The following CREB5 variants were observed in gnomAD, a reference collection of about 807,000 sequenced individuals.
CREB5 encodes cyclic AMP-responsive element-binding protein 5.
A neutral mutation model predicts 57.1 loss-of-function variants in CREB5; 19 were observed. The ratio of observed to expected loss-of-function variants is 0.33; its 90% CI spans 0.23 to 0.49. The LOEUF (loss-of-function observed/expected upper bound fraction) is 0.49. CREB5 is among the 20% of genes least tolerant of loss of function. The pLI, the probability that CREB5 is intolerant of heterozygous loss-of-function variation, is 0.99. For missense variants in CREB5, 579 were observed against 671.6 expected (o/e 0.86, Z 1.52); for synonymous variants, 238 against 238.3 (o/e 1.00, Z 0.01).
At chr7:28,818,325 A>G (rs1039543702) in intron 10 of CREB5, 146 bp downstream of exon 10, 19 of 623,272 alleles carry the variant, frequency 3.0e-5, no homozygotes, top group Admixed American at 8.8e-5. Flanking sequence ...CTTCCAGACT[A>G]TTCTTCCAAG....
intron 7 of CREB5, among the ~76,000 whole-genome samples, chr7:28,741,053 T>G (rs1804302908): frequency 6.6e-6 from 1 of 151,564 alleles, no homozygotes; most frequent in Non-Finnish European, 1.5e-5. Context: ...TGACTAAAGG[T>G]TGTTGAGTTA....
chr7:28,526,533 C>T lies in CREB5; in HGVS notation c.291+18796C>T, dbSNP rs148495769. On this transcript the variant is annotated intron_variant, in intron 4 of 10. Transcript: ENST00000357727. Reference sequence around the variant, plus strand: ...GCATTTAAGTAACTTCCTGGAAAGACGTGCTTCTTGCTGTGTCTGGCTGTT... The same window carrying T: ...GCATTTAAGTAACTTCCTGGAAAGATGTGCTTCTTGCTGTGTCTGGCTGTT... Among the ~76,000 whole-genome samples, 248 of 152,334 alleles carry T rather than the reference C, an allele frequency of 1.6e-3. 2 individuals carry two copies. The highest frequency in any genetic ancestry group is 5.4e-3 in the East Asian group (28 of 5,192).
At chr7:28,515,820 C>T (rs1792919152) in intron 4 of CREB5, among the ~76,000 whole-genome samples, 1 of 151,562 alleles carries the variant, frequency 6.6e-6, no homozygotes, top group Admixed American at 6.6e-5. Context: ...AAAGAGATAC[C>T]TAGTAATAAG....
intron 6 of CREB5, 70 bp from the exon 7 acceptor site, chr7:28,724,152 A>G (rs1803198986): frequency 2.3e-6 from 3 of 1,328,534 alleles, no homozygotes; most frequent in South Asian, 1.3e-5. Context: ...TTGGACAGAA[A>G]AGTGCAGCTT....
In CREB5 at chr7:28,632,711, C is replaced by T. The variant is rs184783327; in HGVS notation, c.464+62174C>T. 1.6e-3 allele frequency among the ~76,000 whole-genome samples: 242 copies of T among 152,268 alleles called. 1 individual carries two copies. The highest frequency in any genetic ancestry group is 5.8e-3 in the South Asian group (28 of 4,816). ...GTAGTTAAGGTCTCAGCTCCAGTGTCGCCAAGGGAGGATTTTCTGTCCCTC... is the reference window on the plus strand; with the variant it reads ...GTAGTTAAGGTCTCAGCTCCAGTGTTGCCAAGGGAGGATTTTCTGTCCCTC... On this transcript the variant is annotated intron_variant, in intron 5 of 10. Coordinates refer to ENST00000357727, the MANE Select transcript of CREB5 (RefSeq NM_182898.4).
intron 7 of CREB5, among the ~76,000 whole-genome samples, chr7:28,744,692 A>G (rs1164282915): frequency 6.6e-6 from 1 of 152,100 alleles, no homozygotes; most frequent in Non-Finnish European, 1.5e-5. Context: ...ATACAGTCAC[A>G]TACTGAGGTC....
At chr7:28,444,313 T>C (rs535173468) in intron 1 of CREB5, among the ~76,000 whole-genome samples, 1 of 152,276 alleles carries the variant, frequency 6.6e-6, no homozygotes, top group African/African-American at 2.4e-5. Flanking sequence ...GGACGCATCT[T>C]TTCCCAACAA....
intron 1 of CREB5, among the ~76,000 whole-genome samples, chr7:28,463,164 G>T (rs1430125791): frequency 6.6e-6 from 1 of 151,794 alleles, no homozygotes; most frequent in Non-Finnish European, 1.5e-5. Context: ...CAGTTGTCTC[G>T]GCATCATTTA....
intron 7 of CREB5, chr7:28,726,770 A>C (rs1803358070): frequency 6.6e-6 from 1 of 152,206 alleles, no homozygotes; most frequent in African/African-American, 2.4e-5. Flanking sequence ...GAGAGCTGCA[A>C]GGGAGGTGTT....
chr7:28,752,043 T>C (rs1447558826), intron 7 of CREB5, among the ~76,000 whole-genome samples: 1 of 152,238 alleles, frequency 6.6e-6, no homozygotes, highest in Non-Finnish European at 1.5e-5. Flanking sequence ...TGTACCCTTT[T>C]TGGTCTGTCA....
intron 1 of CREB5, among the ~76,000 whole-genome samples, chr7:28,467,100 C>A (rs1790613540): frequency 6.6e-6 from 1 of 152,208 alleles, no homozygotes; most frequent in Non-Finnish European, 1.5e-5. Context: ...ACAGTCACTA[C>A]TACCCAGTGC....
intron 1 of CREB5, among the ~76,000 whole-genome samples, chr7:28,456,931 A>T (rs540012266): frequency 6.6e-6 from 1 of 152,336 alleles, no homozygotes; most frequent in East Asian, 1.9e-4. Flanking sequence ...GGTAATTTAT[A>T]AAGAAAGATT....
chr7:28,533,750 T>C (rs1793836459), intron 4 of CREB5, among the ~76,000 whole-genome samples: 1 of 152,208 alleles, frequency 6.6e-6, no homozygotes, highest in Non-Finnish European at 1.5e-5. Flanking sequence ...CTTTTACTTC[T>C]TGATACAGCA....
intron 5 of CREB5, among the ~76,000 whole-genome samples, chr7:28,573,198 T>G (rs919331617): frequency 3.9e-5 from 6 of 152,244 alleles, no homozygotes; most frequent in African/African-American, 1.4e-4. Flanking sequence ...AGTACTTATT[T>G]GAAAACACGA....
At chr7:28,525,710 T>A (rs1191141175) in intron 4 of CREB5, among the ~76,000 whole-genome samples, 2 of 152,148 alleles carry the variant, frequency 1.3e-5, no homozygotes, top group Non-Finnish European at 2.9e-5. Context: ...ACCATAAATA[T>A]AATAGACATA....
chr7:28,694,987 G>T (rs1801468266), intron 5 of CREB5, among the ~76,000 whole-genome samples: 1 of 152,214 alleles, frequency 6.6e-6, no homozygotes, highest in Non-Finnish European at 1.5e-5. Context: ...CAATTCGGGA[G>T]GCCAAGATGG....
intron 6 of CREB5, among the ~76,000 whole-genome samples, chr7:28,719,102 T>A (rs564439675): frequency 3.9e-5 from 6 of 152,146 alleles, no homozygotes; most frequent in Non-Finnish European, 8.8e-5. Flanking sequence ...TGAGATATGG[T>A]CCATGGTGAC....
At chr7:28,637,827 G>T (rs1244064235) in intron 5 of CREB5, among the ~76,000 whole-genome samples, 6 of 152,150 alleles carry the variant, frequency 3.9e-5, no homozygotes, top group Non-Finnish European at 5.9e-5. Context: ...TGCATTTATA[G>T]TTGTTATTTT....
At chr7:28,812,934 G>C (rs1809210195) in intron 9 of CREB5, among the ~76,000 whole-genome samples, 1 of 152,164 alleles carries the variant, frequency 6.6e-6, no homozygotes, top group Admixed American at 6.5e-5. Context: ...TTCCAGCGTA[G>C]AACCCTCTAG....
Sources: gnomAD v4.1 joint callset for allele counts (sites outside exome capture counted in the v4.1 genomes callset) on GRCh38, gnomAD v4.1.1 for gene constraint, MANE v1.5 for transcripts, NCBI Gene and HGNC (gene_info 2026-07-23, HGNC 2026-07-21) for gene names.